The following RBFOX1 variants were observed in gnomAD, a reference collection of about 807,000 sequenced individuals.
RBFOX1 encodes RNA binding protein fox-1 homolog 1.
RBFOX1 carries 8 observed loss-of-function variants against 57.7 expected under a neutral mutation model. That is an observed-to-expected ratio of 0.14 (90% CI 0.08 to 0.25). The LOEUF (loss-of-function observed/expected upper bound fraction) is 0.25. RBFOX1 is among the 10% of genes least tolerant of loss of function. The probability of loss-of-function intolerance (pLI) is 1.00; values close to 1 mark genes in which losing one functional copy is unlikely to be tolerated. For synonymous variants in RBFOX1, 326 were observed against 222.4 expected (o/e 1.47, Z -4.15); for missense variants, 611 against 548.5 (o/e 1.11, Z -1.14).
chr16:6,257,796 C>T (rs559045551), intron 1 of RBFOX1, among the ~76,000 whole-genome samples: 15 of 152,152 alleles, frequency 9.9e-5, no homozygotes, highest in South Asian at 4.2e-4. Context: ...AATGGATATG[C>T]GCTACATTTT....
intron 3 of RBFOX1, among the ~76,000 whole-genome samples, chr16:6,965,477 C>T (rs775693702): frequency 6.6e-6 from 1 of 152,094 alleles, no homozygotes; most frequent in Non-Finnish European, 1.5e-5. Context: ...GCTGGGATTA[C>T]AGGCGTGCGC....
chr16:6,124,803 C>G (rs904062602), intron 1 of RBFOX1, among the ~76,000 whole-genome samples: 1 of 152,144 alleles, frequency 6.6e-6, no homozygotes, highest in South Asian at 2.1e-4. Context: ...GGTAGGATTA[C>G]AGGCATGAGT....
intron 2 of RBFOX1, among the ~76,000 whole-genome samples, chr16:5,487,946 G>T (rs1474671134): frequency 6.6e-6 from 1 of 152,038 alleles, no homozygotes; most frequent in African/African-American, 2.4e-5. Flanking sequence ...TTATGGTAGT[G>T]GTGGTGGGGA....
chr16:7,385,760 T>G (rs2097864027), intron 4 of RBFOX1, among the ~76,000 whole-genome samples: 1 of 151,974 alleles, frequency 6.6e-6, no homozygotes, highest in Non-Finnish European at 1.5e-5. Flanking sequence ...TTTAAGGTTT[T>G]TGGTTTTTTT....
chr16:7,208,387 C>G (rs2090428152), intron 4 of RBFOX1, among the ~76,000 whole-genome samples: 1 of 152,132 alleles, frequency 6.6e-6, no homozygotes, highest in African/African-American at 2.4e-5. Context: ...TATGGTTCTG[C>G]AGGCTGTGTA....
intron 3 of RBFOX1, among the ~76,000 whole-genome samples, chr16:6,832,205 C>G (rs146238515): frequency 6.6e-6 from 1 of 152,064 alleles, no homozygotes; most frequent in African/African-American, 2.4e-5. Context: ...ATGTGAGGAG[C>G]CCAAGTGAAT....
intron 1 of RBFOX1, among the ~76,000 whole-genome samples, chr16:5,348,550 A>G (rs1023215848): frequency 1.3e-5 from 2 of 152,282 alleles, no homozygotes; most frequent in South Asian, 4.1e-4. Flanking sequence ...CCTGGGTTCA[A>G]ACCTAGGTTG....
At chr16:7,534,670 T>G (rs960761298) in intron 5 of RBFOX1, among the ~76,000 whole-genome samples, 9 of 152,116 alleles carry the variant, frequency 5.9e-5, no homozygotes, top group Admixed American at 4.6e-4. Context: ...GAGAACTAAG[T>G]CTAATGTATT....
intron 3 of RBFOX1, among the ~76,000 whole-genome samples, chr16:5,630,790 A>G (rs2048483704): frequency 6.6e-6 from 1 of 152,200 alleles, no homozygotes; most frequent in African/African-American, 2.4e-5. Flanking sequence ...ATTGTTGGAA[A>G]AAAGGCAATG....
In RBFOX1 at chr16:6,362,966, C is replaced by T. The variant is rs80212581; in HGVS notation, c.-64+45909C>T. Among the ~76,000 whole-genome samples the T allele has an allele frequency of 3.8e-3, 576 of 152,290 alleles. 7 individuals are homozygous for T. The highest frequency in any genetic ancestry group is 4.0e-3 in the Non-Finnish European group (269 of 68,018). ...AAGGCTAAAAGGTTGTACAGCCTGC[C>T]ACCTGGGAACCACCTCCCTTGGGCT... On this transcript the variant is annotated intron_variant, in intron 2 of 15. Transcript: ENST00000550418.
At chr16:7,661,080 A>C (rs931412030) in intron 12 of RBFOX1, among the ~76,000 whole-genome samples, 6 of 152,196 alleles carry the variant, frequency 3.9e-5, no homozygotes, top group Non-Finnish European at 8.8e-5. Flanking sequence ...TAGTGGGAGT[A>C]ATGGTGCTCG....
intron 11 of RBFOX1, among the ~76,000 whole-genome samples, chr16:7,638,377 A>G (rs1031599377): frequency 1.6e-4 from 24 of 151,684 alleles, no homozygotes; most frequent in African/African-American, 5.8e-4. Context: ...GCTTTGAACC[A>G]AGCCTGTTTA....
chr16:6,451,078 A>G (rs903787944), intron 2 of RBFOX1, among the ~76,000 whole-genome samples: 1 of 151,206 alleles, frequency 6.6e-6, no homozygotes, highest in African/African-American at 2.4e-5. Context: ...TGAGTGTCTC[A>G]GTTACCCCGA....
chr16:6,655,398 AAAAAAGAG>A (rs1164218108), intron 3 of RBFOX1, among the ~76,000 whole-genome samples: 3 of 143,574 alleles, frequency 2.1e-5, no homozygotes, highest in Non-Finnish European at 3.0e-5. Flanking sequence ...AAAAAAAAAA[AAAAAAGAG>A]CTCGCGCTCA....
chr16:6,094,273 G>A (rs761608336), intron 1 of RBFOX1, among the ~76,000 whole-genome samples: 35 of 152,110 alleles, frequency 2.3e-4, no homozygotes, highest in Admixed American at 4.6e-4. Context: ...CTGAGCCACC[G>A]TTCCAAAGGA....
chr16:6,924,566 A>G (rs1464054273), intron 3 of RBFOX1, among the ~76,000 whole-genome samples: 5 of 152,128 alleles, frequency 3.3e-5, no homozygotes, highest in Non-Finnish European at 7.4e-5. Flanking sequence ...GAGAGGACAC[A>G]TATCCAAACT....
intron 2 of RBFOX1, among the ~76,000 whole-genome samples, chr16:6,625,805 A>G (rs1362867352): frequency 7.9e-5 from 12 of 152,216 alleles, no homozygotes; most frequent in Non-Finnish European, 4.4e-5. Context: ...GAGAATGATG[A>G]TTATCAGCTA....
At chr16:7,663,330 GAAC>G (rs1321554233) in intron 12 of RBFOX1, among the ~76,000 whole-genome samples, 1 of 152,182 alleles carries the variant, frequency 6.6e-6, no homozygotes, top group African/African-American at 2.4e-5. Context: ...GATCAAATAT[GAAC>G]AACAGCTGAA....
intron 4 of RBFOX1, among the ~76,000 whole-genome samples, chr16:5,918,548 T>G (rs1270357405): frequency 6.6e-6 from 1 of 152,242 alleles, no homozygotes; most frequent in Non-Finnish European, 1.5e-5. Context: ...TGACCAGCTT[T>G]AACAGAGCCC....
Sources: allele counts gnomAD v4.1 joint callset (sites outside exome capture counted in the v4.1 genomes callset), GRCh38; gene constraint gnomAD v4.1.1; transcripts MANE v1.5; gene names NCBI Gene and HGNC (gene_info 2026-07-23, HGNC 2026-07-21).